Variants in RTN2 observed in about 807,000 individuals in gnomAD.
The protein encoded by RTN2 is reticulon 2, also known as reticulon-2.
Under a neutral mutation model 63.7 loss-of-function variants are expected in RTN2, and 36 were observed. That is an observed-to-expected ratio of 0.56 (90% CI 0.43 to 0.75). RTN2 has a LOEUF of 0.75. RTN2 is among the 30% of genes least tolerant of loss of function. The probability of loss-of-function intolerance (pLI) is 0.00; values close to 1 mark genes in which losing one functional copy is unlikely to be tolerated. For missense variants in RTN2, 673 were observed against 705.1 expected (o/e 0.95, Z 0.52); for synonymous variants, 312 against 313.0 (o/e 1.00, Z 0.03).
At chr19:45,487,868 G>C (rs181481233) in intron 9 of RTN2, among the ~76,000 whole-genome samples, 76 of 151,018 alleles carry the variant, frequency 5.0e-4, no homozygotes, top group African/African-American at 1.7e-3. Flanking sequence ...GCTTGAACCT[G>C]GGAGGCAGAG....
chr19:45,496,517 G>T (rs896596117), intron 1 of RTN2: 1 of 339,302 alleles, frequency 2.9e-6, no homozygotes, highest in Non-Finnish European at 5.3e-6. Flanking sequence ...GCGCGTCCTC[G>T]CTCCCGGGCG....
intron 5 of RTN2, among the ~76,000 whole-genome samples, 175 bp from the exon 6 acceptor site, chr19:45,489,728 G>A (rs1034069168): frequency 6.9e-6 from 1 of 144,016 alleles, no homozygotes; most frequent in African/African-American, 2.6e-5. Flanking sequence ...CACCCAGGCT[G>A]GAGGCAGTGG....
intron 9 of RTN2, 29 bp downstream of exon 9, chr19:45,488,442 G>A (rs1234695696): frequency 6.2e-7 from 1 of 1,608,456 alleles, no homozygotes; most frequent in African/African-American, 1.3e-5. Context: ...TTTAGCTGGG[G>A]TGCTGACAAC....
intron 9 of RTN2, among the ~76,000 whole-genome samples, chr19:45,487,323 T>C (rs979831498): frequency 1.3e-5 from 2 of 151,940 alleles, no homozygotes; most frequent in Non-Finnish European, 2.9e-5. Flanking sequence ...GGGATTACAG[T>C]TGTGAGCCAC....
intron 5 of RTN2, among the ~76,000 whole-genome samples, chr19:45,491,633 G>A (rs1031624876): frequency 9.3e-5 from 14 of 151,046 alleles, no homozygotes; most frequent in Admixed American, 2.0e-4. Context: ...CCGGGTTCAC[G>A]CCATTCTCCT....
In RTN2 at chr19:45,486,085, A is replaced by C; in HGVS notation, c.1526T>G (p.Val509Gly). 1 of 1,614,006 alleles carries C rather than the reference A, an allele frequency of 6.2e-7. No homozygotes were observed. Among genetic ancestry groups the C allele is most frequent in the Non-Finnish European group, 8.5e-7 (1 of 1,179,994 alleles). ...TTTGATGTGGCTCAACTGATTGGTC[A>C]CCAACCCCACATATTGGTCGATCTG... is the stretch of plus-strand genomic sequence containing the variant. Reference protein sequence around the residue: ...QAQIDQYVGLVTNQLSHIKAK... With the variant: ...QAQIDQYVGLGTNQLSHIKAK... The change falls in exon 10 of 11, where the codon GTG becomes GGG. Residue 509 changes from valine (V) to glycine (G), a missense_variant. By Grantham distance (109) the Val-to-Gly change is moderately radical. Coordinates refer to ENST00000245923, the MANE Select transcript of RTN2 (RefSeq NM_005619.5).
chr19:45,494,330 C>A lies in RTN2; in HGVS notation c.650G>T (p.Gly217Val). 6.2e-7 allele frequency: 1 copy of A among 1,614,188 alleles called. No homozygotes were observed. Among genetic ancestry groups the A allele is most frequent in the Non-Finnish European group, 8.5e-7 (1 of 1,180,038 alleles). ...LSPGSGTPQA[G>V]TPSPSRSRDS... ...TCGCGATCGGGATGGGGACGGAGTA[C>A]CGGCCTGGGGTGTCCCAGAGCCCGG... The change falls in exon 4 of 11, where the codon GGT (glycine) becomes GTT (valine). Residue 217 changes from glycine (G) to valine (V), a missense_variant. Transcript: ENST00000245923. This position sits in a 1 kb window ranked among gnomAD's most constrained non-coding sequence, Gnocchi z 5.3.
chr19:45,491,138 C>A (rs1968149562), intron 5 of RTN2, among the ~76,000 whole-genome samples: 1 of 151,842 alleles, frequency 6.6e-6, no homozygotes. Flanking sequence ...GATCCACCCA[C>A]CTTGGCCTCC....
At chr19:45,495,245 A>G (rs1226097864) in intron 1 of RTN2, 106 bp from the exon 2 acceptor site, 4 of 1,329,928 alleles carry the variant, frequency 3.0e-6, no homozygotes, top group Non-Finnish European at 4.2e-6. Context: ...GGATTTTTAG[A>G]ACATTCTGCA....
rs1208298546 is a variant in RTN2, at chr19:45,485,749, C to T, written c.1597G>A (p.Ala533Thr). 1 of 1,614,030 alleles carries T rather than the reference C, an allele frequency of 6.2e-7. No homozygotes were observed. Among genetic ancestry groups the T allele is most frequent in the Admixed American group, 1.7e-5 (1 of 59,996 alleles). Reference sequence around the variant, plus strand: ...TTGGATCCGGAGACTGCGGCTGCTGCAGAGGCCAGGGCTCCGGTCCCTGGG... The same window carrying T: ...TTGGATCCGGAGACTGCGGCTGCTGTAGAGGCCAGGGCTCCGGTCCCTGGG... Reference protein sequence around the residue: ...KIPGTGALASAAAAVSGSKAK... With the variant: ...KIPGTGALASTAAAVSGSKAK... The change falls in exon 11 of 11, where the codon GCA becomes ACA. Residue 533 changes from alanine to threonine, a missense_variant. Physicochemically the swap from Ala to Thr is moderately conservative, Grantham distance 58 (BLOSUM62 0). Coordinates refer to ENST00000245923, the MANE Select transcript of RTN2 (RefSeq NM_005619.5).
chr19:45,489,349 A>G lies in RTN2; in HGVS notation c.1238T>C (p.Phe413Ser), dbSNP rs775924273. 1 of 1,561,052 alleles carries G rather than the reference A, an allele frequency of 6.4e-7. No individual in the cohort carries two copies. Among genetic ancestry groups the G allele is most frequent in the Admixed American group, 1.9e-5 (1 of 51,722 alleles). Residue 413 changes from phenylalanine to serine, a missense_variant, in exon 6 of 11, where the codon TTC (phenylalanine) becomes TCC (serine). By Grantham distance (155) the Phe-to-Ser change is radical. Coordinates refer to ENST00000245923, the MANE Select transcript of RTN2 (RefSeq NM_005619.5). ...GTCAGGGGCCGGGGGTTCTCACTGG[A>G]AAGGGTTGGCTCCATCCCCCCGGTG... is the stretch of plus-strand genomic sequence containing the variant. ...AVHRGDGANP[F>S]QAYLDVDLTL... is the part of the protein sequence containing the mutation.
intron 5 of RTN2, among the ~76,000 whole-genome samples, chr19:45,489,830 C>T (rs1380369580): frequency 6.6e-6 from 1 of 151,614 alleles, no homozygotes; most frequent in African/African-American, 2.4e-5. Context: ...AGGTGTGCAC[C>T]ACCACTCAGC....
At chr19:45,486,262 C>G (rs1968018652) in intron 9 of RTN2, 149 bp from the exon 10 acceptor site, 1 of 663,084 alleles carries the variant, frequency 1.5e-6, no homozygotes, top group African/African-American at 1.8e-5. Flanking sequence ...TCATAGAATA[C>G]ATTAGATGCC....
In RTN2 at chr19:45,493,130, GC is replaced by G. The variant is rs780104341; in HGVS notation, c.1033+29del. ...TTTGGACCCCGTTCCGCCGACCTCA[GC>G]CCCCGTCCAGCCCGTTCCGCAAGCC... On this transcript the variant is annotated intron_variant, in intron 5 of 10. Transcript: ENST00000245923. The G allele has an allele frequency of 1.8e-5, 29 of 1,599,364 alleles. No homozygotes were observed. The African/African-American group carries it at 3.7e-4, about 21-fold the overall frequency.
chr19:45,491,089 C>T (rs750830902), intron 5 of RTN2, among the ~76,000 whole-genome samples: 2 of 151,640 alleles, frequency 1.3e-5, no homozygotes, highest in African/African-American at 4.8e-5. Flanking sequence ...GGGGTTTCAC[C>T]GTGTTAGCCA....
At position 45,485,627 on chromosome 19, in the gene RTN2, G is replaced by A. The variant is rs915067102; in HGVS notation, c.*81C>T. The A allele has an allele frequency of 6.2e-6, 7 of 1,133,546 alleles. No individual in the cohort carries two copies. Among genetic ancestry groups the A allele is most frequent in the Non-Finnish European group, 9.3e-6 (7 of 756,752 alleles). The allele number at this position is 1,133,546 out of a possible 1,614,324, so 70.2% of individuals were successfully genotyped here. A position where few individuals can be genotyped will look rare whatever the true frequency, so the allele number is the denominator to read the frequency against. On this transcript the variant is annotated 3_prime_UTR_variant, in exon 11 of 11. Coordinates refer to ENST00000245923, the MANE Select transcript of RTN2 (RefSeq NM_005619.5). ...AAGGCTCGGGCCGAGGAGGGGGGTG[G>A]GTGGGAACGGACAAGAGATGGAGGG...
rs760076162 is a variant in RTN2 at position 45,488,963 on chromosome 19, G to T, written c.1265C>A (p.Thr422Asn). ...PFQAYLDVDL[T>N]LTREQTERLS... ...ACGTTCCGTCTGCTCCCGAGTCAGG[G>T]TGAGGTCCACATCCAGGTAGGCCCT... Residue 422 changes from threonine to asparagine, a missense_variant, in exon 7 of 11, where the codon ACC becomes AAC. Transcript: ENST00000245923. The T allele has an allele frequency of 1.6e-5, 26 of 1,611,806 alleles. No individual in the cohort carries two copies. Among genetic ancestry groups the T allele is most frequent in the Non-Finnish European group, 1.1e-5 (13 of 1,179,204 alleles).
chr19:45,492,424 A>G (rs898103251), intron 5 of RTN2, among the ~76,000 whole-genome samples: 50 of 152,140 alleles, frequency 3.3e-4, no homozygotes, highest in African/African-American at 1.1e-3. Context: ...TCTAGTCCCA[A>G]CTACTTGGGA....
rs758234569 is a variant in RTN2, at chr19:45,486,091, C to T, written c.1520G>A (p.Gly507Glu). The T allele has an allele frequency of 4.3e-6, 7 of 1,614,116 alleles. No homozygotes were observed. Among genetic ancestry groups the T allele is most frequent in the Admixed American group, 3.3e-5 (2 of 60,006 alleles). ...QHQAQIDQYV[G>E]LVTNQLSHIK... ...GTGGCTCAACTGATTGGTCACCAAC[C>T]CCACATATTGGTCGATCTGAGCCTG... Residue 507 changes from glycine to glutamate, a missense_variant, in exon 10 of 11, where the codon GGG becomes GAG. By Grantham distance (98) the Gly-to-Glu change is moderately conservative. Transcript: ENST00000245923.
Sources: gnomAD v4.1 joint callset for allele counts (sites outside exome capture counted in the v4.1 genomes callset) on GRCh38, gnomAD v4.1.1 for gene constraint, Gnocchi (gnomAD v3.1) non-coding constraint, MANE v1.5 for transcripts, NCBI Gene and HGNC (gene_info 2026-07-23, HGNC 2026-07-21) for gene names.